ATOH8: variants seen among roughly 807,000 people sequenced by gnomAD.
ATOH8 encodes atonal bHLH transcription factor 8, also known as transcription factor ATOH8.
A neutral mutation model predicts 21.2 loss-of-function variants in ATOH8; 9 were observed. The ratio of observed to expected loss-of-function variants is 0.42; its 90% CI spans 0.26 to 0.74. The LOEUF (loss-of-function observed/expected upper bound fraction) is 0.74, where lower values mean the gene tolerates loss of function less well. ATOH8 is among the 30% of genes least tolerant of loss of function. The pLI is 0.24. For missense variants in ATOH8, 524 were observed against 470.9 expected (o/e 1.11, Z -1.04); for synonymous variants, 253 against 224.0 (o/e 1.13, Z -1.16).
At chr2:85,776,910 T>G (rs1363221698) in intron 2 of ATOH8, among the ~76,000 whole-genome samples, 1 of 152,032 alleles carries the variant, frequency 6.6e-6, no homozygotes, top group Non-Finnish European at 1.5e-5. Flanking sequence ...CCGCCTCGCT[T>G]TCCTGCCAGC....
chr2:85,784,515 C>G (rs1210393674), intron 2 of ATOH8, among the ~76,000 whole-genome samples: 1 of 151,780 alleles, frequency 6.6e-6, no homozygotes, highest in African/African-American at 2.4e-5. Flanking sequence ...TACACTCAGC[C>G]TAAATAACAG....
chr2:85,757,684 G>A (rs1679750241), intron 1 of ATOH8, among the ~76,000 whole-genome samples: 1 of 152,152 alleles, frequency 6.6e-6, no homozygotes, highest in African/African-American at 2.4e-5. Context: ...CTCAGTTGCT[G>A]AAGTTGTAAA....
At position 85,788,641 on chromosome 2, in the gene ATOH8, G is replaced by C. The variant is rs1475581528; in HGVS notation, c.*1751G>C. 2.0e-5 allele frequency among the ~76,000 whole-genome samples: 3 copies of C among 152,162 alleles called. No individual in the cohort carries two copies. Among genetic ancestry groups the C allele is most frequent in the Non-Finnish European group, 4.4e-5 (3 of 68,024 alleles). On this transcript the variant is annotated 3_prime_UTR_variant, in exon 3 of 3. Transcript: ENST00000306279. ...TGTCAAGGCAGAAGGGACAGGGCTG[G>C]CCAAGGAAAGGGGGATAGGAGGGGA...
At chr2:85,772,722 T>A (rs201370234) in intron 2 of ATOH8, 1 of 456,980 alleles carries the variant, frequency 2.2e-6, no homozygotes, top group South Asian at 1.5e-5. Context: ...CGCTTATGAA[T>A]AACAGGACTG....
In ATOH8 at chr2:85,766,312, CGA is replaced by C. The variant is rs1680014022; in HGVS notation, c.960+2131_960+2132del. Reference sequence around the variant, plus strand: ...AGATGGAAGTTCCAGGGTAGGAACTCGACTGTTTCCTCTCCACCCTCCCTCCC... The same window carrying C: ...AGATGGAAGTTCCAGGGTAGGAACTCCTGTTTCCTCTCCACCCTCCCTCCC... On this transcript the variant is annotated intron_variant, in intron 2 of 2. Transcript: ENST00000306279. The surrounding 1 kb of genome is among the most constrained non-coding windows in gnomAD (Gnocchi z 4.0). 6.6e-6 allele frequency among the ~76,000 whole-genome samples: 1 copy of C among 151,934 alleles called. No homozygotes were observed. Among genetic ancestry groups the C allele is most frequent in the Admixed American group, 6.6e-5 (1 of 15,252 alleles).
chr2:85,785,112 G>A lies in ATOH8; in HGVS notation c.961-1773G>A, dbSNP rs1392511184. Reference sequence around the variant, plus strand: ...CCAGGCTGCCCTGACCGCCTTTACAGCATGCCCAGGAGGACGGCTCCAGCC... The same window carrying A: ...CCAGGCTGCCCTGACCGCCTTTACAACATGCCCAGGAGGACGGCTCCAGCC... On this transcript the variant is annotated intron_variant, in intron 2 of 2. Coordinates refer to ENST00000306279, the MANE Select transcript of ATOH8 (RefSeq NM_032827.7). The surrounding 1 kb of genome is among the most constrained non-coding windows in gnomAD (Gnocchi z 4.1). Among the ~76,000 whole-genome samples the A allele has an allele frequency of 6.6e-6, 1 of 152,222 alleles. No homozygotes were observed. Among genetic ancestry groups the A allele is most frequent in the East Asian group, 1.9e-4 (1 of 5,192 alleles).
intron 2 of ATOH8, among the ~76,000 whole-genome samples, chr2:85,765,742 G>A (rs1679997358): frequency 6.6e-6 from 1 of 152,154 alleles, no homozygotes; most frequent in Admixed American, 6.5e-5. Context: ...AGAAGCCAGC[G>A]TGGAGGTCCC....
At position 85,785,853 on chromosome 2, in the gene ATOH8, C is replaced by T. The variant is rs62147468; in HGVS notation, c.961-1032C>T. On this transcript the variant is annotated intron_variant, in intron 2 of 2. Coordinates refer to ENST00000306279, the MANE Select transcript of ATOH8 (RefSeq NM_032827.7). The surrounding 1 kb of genome is among the most constrained non-coding windows in gnomAD (Gnocchi z 4.1). Reference sequence around the variant, plus strand: ...TAGCTGTTGGTTGAGGGTTGGAGCACGAATCAAAAGGGTGTTTGGAGTTGC... The same window carrying T: ...TAGCTGTTGGTTGAGGGTTGGAGCATGAATCAAAAGGGTGTTTGGAGTTGC... 0.023 allele frequency among the ~76,000 whole-genome samples: 3,456 copies of T among 152,210 alleles called. 62 individuals carry two copies. Among genetic ancestry groups the T allele is most frequent in the Middle Eastern group, 0.051 (15 of 294 alleles).
Position 85,754,951 on chromosome 2 carries a change from G to A in ATOH8, c.762G>A (p.Arg254=), listed in dbSNP as rs746772718. 52 of 1,592,342 alleles carry A rather than the reference G, an allele frequency of 3.3e-5. No homozygotes were observed. Among genetic ancestry groups the A allele is most frequent in the Non-Finnish European group, 4.3e-5 (51 of 1,174,176 alleles). Residue 254 remains arginine (R), a synonymous_variant, in exon 1 of 3, where the codon AGG becomes AGA. Transcript: ENST00000306279. ...HTISAAFEAL[R]KQVPCYSYGQ... ...TCAGCGCAGCCTTCGAGGCGCTCAGGAAGCAGGTACCCGCTCGCCGCCGCA... is the reference window on the plus strand; with the variant it reads ...TCAGCGCAGCCTTCGAGGCGCTCAGAAAGCAGGTACCCGCTCGCCGCCGCA...
chr2:85,767,633 C>A (rs181268691), intron 2 of ATOH8, among the ~76,000 whole-genome samples: 147 of 150,232 alleles, frequency 9.8e-4, no homozygotes, highest in African/African-American at 3.5e-3. Flanking sequence ...GTACCTGACA[C>A]AGTGCAGGTA....
chr2:85,764,519 G>A (rs770297703), intron 2 of ATOH8, among the ~76,000 whole-genome samples: 13 of 152,214 alleles, frequency 8.5e-5, no homozygotes, highest in Non-Finnish European at 1.8e-4. Flanking sequence ...GGTGGCCTCT[G>A]ATAGATGTCA....
chr2:85,760,668 A>G (rs1573522598), intron 1 of ATOH8: 1 of 152,248 alleles, frequency 6.6e-6, no homozygotes, highest in African/African-American at 2.4e-5. Flanking sequence ...TAAAAGATGA[A>G]TACAGACATT....
intron 1 of ATOH8, among the ~76,000 whole-genome samples, chr2:85,758,114 C>A (rs1361342514): frequency 6.6e-6 from 1 of 152,134 alleles, no homozygotes; most frequent in Non-Finnish European, 1.5e-5. Flanking sequence ...TTAAGCATCT[C>A]CAAGGTCCTC....
chr2:85,764,661 T>C (rs183408674), intron 2 of ATOH8, among the ~76,000 whole-genome samples: 1 of 152,318 alleles, frequency 6.6e-6, no homozygotes, highest in Non-Finnish European at 1.5e-5. Flanking sequence ...CATTCATTCA[T>C]TCTGGAGAGA....
intron 1 of ATOH8, among the ~76,000 whole-genome samples, chr2:85,759,224 G>A (rs1342675755): frequency 6.6e-6 from 1 of 152,214 alleles, no homozygotes; most frequent in Admixed American, 6.5e-5. Context: ...GGTGCAAGGA[G>A]GGCATAGGGA....
In ATOH8 at chr2:85,754,313, A is replaced by G. The variant is rs141674394; in HGVS notation, c.124A>G (p.Thr42Ala). 4.5e-4 allele frequency: 717 copies of G among 1,609,144 alleles called. 4 individuals carry two copies. The Middle Eastern group carries it at 4.6e-3, about 10-fold the overall frequency. Residue 42 changes from threonine to alanine, a missense_variant, in exon 1 of 3, where the codon ACT (threonine) becomes GCT (alanine). Transcript: ENST00000306279. ...EPARRANGYK[T>A]FRLDLEAPEP... Reference sequence around the variant, plus strand: ...GGCGCGGCGCGCGAACGGCTATAAAACTTTCCGACTGGACTTGGAAGCGCC... The same window carrying G: ...GGCGCGGCGCGCGAACGGCTATAAAGCTTTCCGACTGGACTTGGAAGCGCC...
Position 85,791,032 on chromosome 2 carries a change from G to C in ATOH8, c.*4142G>C, listed in dbSNP as rs1680755587. On this transcript the variant is annotated 3_prime_UTR_variant, in exon 3 of 3. Coordinates refer to ENST00000306279, the MANE Select transcript of ATOH8 (RefSeq NM_032827.7). The stretch of plus-strand genomic sequence containing the variant: ...CTTCACAGCTGCTTTCTGTTTCCTG[G>C]TTCCAGGAAGACAGCGGGGCACAGG... Among the ~76,000 whole-genome samples the C allele has an allele frequency of 6.6e-6, 1 of 152,164 alleles. No individual in the cohort carries two copies. The highest frequency in any genetic ancestry group is 2.4e-5 in the African/African-American group (1 of 41,422).
chr2:85,756,067 G>A (rs1416370408), intron 1 of ATOH8, among the ~76,000 whole-genome samples: 1 of 151,988 alleles, frequency 6.6e-6, no homozygotes, highest in African/African-American at 2.4e-5. Context: ...GGGTGGGGCA[G>A]TAGTGCCTGT....
At chr2:85,759,050 G>A (rs1396514169) in intron 1 of ATOH8, among the ~76,000 whole-genome samples, 1 of 152,194 alleles carries the variant, frequency 6.6e-6, no homozygotes, top group Non-Finnish European at 1.5e-5. Flanking sequence ...GGCTTCTGCC[G>A]TGGTCCTCTC....
Sources: allele counts gnomAD v4.1 joint callset (sites outside exome capture counted in the v4.1 genomes callset), GRCh38; gene constraint gnomAD v4.1.1; non-coding constraint Gnocchi (gnomAD v3.1); transcripts MANE v1.5; gene names NCBI Gene and HGNC (gene_info 2026-07-23, HGNC 2026-07-21).